STK17B: variants seen among roughly 807,000 people sequenced by gnomAD.
STK17B encodes the protein serine/threonine kinase 17b.
Under a neutral mutation model 42.0 loss-of-function variants are expected in STK17B, and 21 were observed. The observed-to-expected ratio is 0.50, with a 90% CI of 0.35 to 0.72. The LOEUF (loss-of-function observed/expected upper bound fraction) is 0.72, where lower values mean the gene tolerates loss of function less well. Ranked by LOEUF, STK17B falls within the 30% of genes least tolerant of loss-of-function variation. The pLI is 0.00. For missense variants in STK17B, 349 were observed against 446.0 expected (o/e 0.78, Z 1.96); for synonymous variants, 143 against 148.4 (o/e 0.96, Z 0.26).
upstream of STK17B, chr2:196,171,723 G>T: frequency 6.6e-6 from 1 of 151,326 alleles, no homozygotes; most frequent in South Asian, 1.8e-4. Flanking sequence ...GTGCGGGGCG[G>T]GGCCCGGCGG....
chr2:196,170,365 G>A (rs1047171955), intron 1 of STK17B, among the ~76,000 whole-genome samples: 1 of 152,178 alleles, frequency 6.6e-6, no homozygotes, highest in Admixed American at 6.5e-5. Flanking sequence ...CACCACAGAT[G>A]TAAACATTAC....
In STK17B at chr2:196,139,811, G is replaced by T; in HGVS notation, c.657-12C>A. 7.4e-7 allele frequency: 1 copy of T among 1,344,144 alleles called. No homozygotes were observed. Among genetic ancestry groups the T allele is most frequent in the South Asian group, 2.4e-5 (1 of 40,840 alleles). The allele number at this position is 1,344,144 out of a possible 1,614,324, so 83.3% of individuals were successfully genotyped here. On this transcript the variant is annotated splice_polypyrimidine_tract_variant and intron_variant, in intron 6 of 7. Coordinates refer to ENST00000263955, the MANE Select transcript of STK17B (RefSeq NM_004226.4). The stretch of plus-strand genomic sequence containing the variant: ...TTATACCAATATTCCTGAAAAACAA[G>T]GGAGGGGAACTTAAAATGTATGTTA...
At chr2:196,162,982 T>C (rs1699832062) in intron 2 of STK17B, among the ~76,000 whole-genome samples, 1 of 152,222 alleles carries the variant, frequency 6.6e-6, no homozygotes, top group African/African-American at 2.4e-5. Flanking sequence ...CAGTCCACTA[T>C]GCTGAGCTGC....
At chr2:196,163,173 T>C in intron 2 of STK17B, 89 bp downstream of exon 2, 1 of 1,450,870 alleles carries the variant, frequency 6.9e-7, no homozygotes, top group South Asian at 1.2e-5. Context: ...CATTGTTAAA[T>C]AATGATCCCA....
intron 5 of STK17B, among the ~76,000 whole-genome samples, chr2:196,142,461 A>G (rs976032354): frequency 1.3e-5 from 2 of 152,244 alleles, no homozygotes; most frequent in Non-Finnish European, 2.9e-5. Flanking sequence ...CCAAAAAAAA[A>G]AGTGCAAAAT....
Position 196,145,960 on chromosome 2 carries a change from T to C in STK17B, c.431A>G (p.Glu144Gly). The C allele has an allele frequency of 6.2e-7, 1 of 1,605,852 alleles. No individual in the cohort carries two copies. The highest frequency in any genetic ancestry group is 8.5e-7 in the Non-Finnish European group (1 of 1,177,972). ...ATTCTGATGTAGATAATAAACTCCT[T>C]CAAGTATTTGTTTAATGAGTCTGAT... ...DVIRLIKQIL[E>G]GVYYLHQNNI... is the part of the protein sequence containing the mutation. The change falls in exon 4 of 8, where the codon GAA becomes GGA. Residue 144 changes from glutamate to glycine, a missense_variant. Transcript: ENST00000263955.
At position 196,136,356 on chromosome 2, in the gene STK17B, G is replaced by A. The variant is rs975715141; in HGVS notation, c.*1091C>T. Reference sequence around the variant, plus strand: ...ACAATGAGGGGCCACTCTGCAGATGGCTTTAAGCTGAGCCTCCTCACTCAC... The same window carrying A: ...ACAATGAGGGGCCACTCTGCAGATGACTTTAAGCTGAGCCTCCTCACTCAC... On this transcript the variant is annotated 3_prime_UTR_variant, in exon 8 of 8. Coordinates refer to ENST00000263955, the MANE Select transcript of STK17B (RefSeq NM_004226.4). 1 of 152,478 alleles carries A rather than the reference G, an allele frequency of 6.6e-6. No homozygotes were observed. Among genetic ancestry groups the A allele is most frequent in the African/African-American group, 2.4e-5 (1 of 41,454 alleles). 9.4% of individuals were successfully genotyped at this position (152,478 alleles called of 1,614,324 possible).
chr2:196,133,639 A>G lies in STK17B; in HGVS notation c.*3808T>C, dbSNP rs1699354117. ...GAGGGTTCATAGATGACCTAGGTCA[A>G]AGGCTAGAACATGCAGACATACTTT... On this transcript the variant is annotated 3_prime_UTR_variant, in exon 8 of 8. Transcript: ENST00000263955. The G allele has an allele frequency of 6.6e-6, 1 of 152,246 alleles. No individual in the cohort carries two copies. The highest frequency in any genetic ancestry group is 1.5e-5 in the Non-Finnish European group (1 of 68,034). The allele number at this position is 152,246 out of a possible 1,614,324, so 9.4% of individuals were successfully genotyped here. A position where few individuals can be genotyped will look rare whatever the true frequency, so the allele number is the denominator to read the frequency against.
Position 196,135,437 on chromosome 2 carries a change from A to G in STK17B, c.*2010T>C, listed in dbSNP as rs1452349716. 2 of 152,176 alleles carry G rather than the reference A, an allele frequency of 1.3e-5. No homozygotes were observed. 9.4% of individuals were successfully genotyped at this position (152,176 alleles called of 1,614,324 possible). ...TTTAAATGTCATAAGAAGAGAACAT[A>G]AAGTCATATAAAGAATATAAATGTC... On this transcript the variant is annotated 3_prime_UTR_variant, in exon 8 of 8. Transcript: ENST00000263955.
chr2:196,162,341 C>T (rs528960757), intron 2 of STK17B, among the ~76,000 whole-genome samples: 2 of 151,254 alleles, frequency 1.3e-5, no homozygotes, highest in Admixed American at 1.3e-4. Flanking sequence ...TAGAATCAGA[C>T]TATGAAATAT....
intron 1 of STK17B, chr2:196,165,700 A>G (rs1395105388): frequency 6.6e-6 from 1 of 152,124 alleles, no homozygotes; most frequent in East Asian, 1.9e-4. Context: ...TGCTGCCTCT[A>G]AAGTATGGAT....
At chr2:196,156,736 T>TA (rs1699744953) in intron 2 of STK17B, 85 bp from the exon 3 acceptor site, 1 of 1,001,006 alleles carries the variant, frequency 1.0e-6, no homozygotes, top group Non-Finnish European at 1.5e-6. Flanking sequence ...ACCTCCAACT[T>TA]AAAGTCAATT....
chr2:196,166,729 A>C (rs1699878157), intron 1 of STK17B, among the ~76,000 whole-genome samples: 1 of 152,220 alleles, frequency 6.6e-6, no homozygotes, highest in Non-Finnish European at 1.5e-5. Flanking sequence ...GTTAGGCTTG[A>C]TCTGGGCCTT....
chr2:196,146,550 TG>T (rs1699578936), intron 3 of STK17B, among the ~76,000 whole-genome samples: 1 of 152,100 alleles, frequency 6.6e-6, no homozygotes, highest in Non-Finnish European at 1.5e-5. Context: ...TTTCAAATTC[TG>T]GGTACTAATA....
chr2:196,156,419 AC>A lies in STK17B; in HGVS notation c.335+19del, dbSNP rs1699738967. On this transcript the variant is annotated intron_variant, in intron 3 of 7. Transcript: ENST00000263955. ...TCTTTTCATACCAACTAAAATAGGT[AC>A]TATTTAGTATATACTTACTATTCCA... The A allele has an allele frequency of 7.8e-6, 12 of 1,531,922 alleles. No homozygotes were observed. The highest frequency in any genetic ancestry group is 1.1e-5 in the Non-Finnish European group (12 of 1,118,448). The allele number at this position is 1,531,922 out of a possible 1,614,324, so 94.9% of individuals were successfully genotyped here. A position where few individuals can be genotyped will look rare whatever the true frequency, so the allele number is the denominator to read the frequency against.
Position 196,158,494 on chromosome 2 carries a change from A to T in STK17B, c.123-1843T>A, listed in dbSNP as rs371620235. On this transcript the variant is annotated intron_variant, in intron 2 of 7. Coordinates refer to ENST00000263955, the MANE Select transcript of STK17B (RefSeq NM_004226.4). The stretch of plus-strand genomic sequence containing the variant: ...TATTTTCTCATTGTATGCAGAAGGA[A>T]TACAAATTGATGGGTTTCGATGAGC... Among the ~76,000 whole-genome samples, 82 of 152,322 alleles carry T rather than the reference A, an allele frequency of 5.4e-4. No individual in the cohort carries two copies. In the East Asian group the frequency reaches 0.015, roughly 28 times the overall value.
chr2:196,140,352 T>C (rs1699476016), intron 6 of STK17B, among the ~76,000 whole-genome samples: 1 of 152,194 alleles, frequency 6.6e-6, no homozygotes, highest in South Asian at 2.1e-4. Flanking sequence ...CCATGAGCAG[T>C]TCCACAGAAC....
intron 2 of STK17B, among the ~76,000 whole-genome samples, chr2:196,157,046 T>A (rs1699749618): frequency 6.6e-6 from 1 of 151,118 alleles, no homozygotes; most frequent in Non-Finnish European, 1.5e-5. Context: ...ATGCCTGTAA[T>A]CCCAGCTACA....
At chr2:196,161,866 A>G (rs1312155476) in intron 2 of STK17B, among the ~76,000 whole-genome samples, 1 of 152,136 alleles carries the variant, frequency 6.6e-6, no homozygotes, top group Non-Finnish European at 1.5e-5. Context: ...CAACATCTGC[A>G]ACGTGAAAAA....
Sources: allele counts gnomAD v4.1 joint callset (sites outside exome capture counted in the v4.1 genomes callset), GRCh38; gene constraint gnomAD v4.1.1; transcripts MANE v1.5; gene names NCBI Gene and HGNC (gene_info 2026-07-23, HGNC 2026-07-21).